CREB3L2: variants seen among roughly 807,000 people sequenced by gnomAD.
CREB3L2 encodes the protein cAMP responsive element binding protein 3 like 2.
In CREB3L2, 23 loss-of-function variants were observed where a neutral mutation model predicts 57.2. The ratio of observed to expected loss-of-function variants is 0.40; its 90% CI spans 0.29 to 0.57. The LOEUF is 0.57. CREB3L2 is among the 20% of genes least tolerant of loss of function. The probability of loss-of-function intolerance (pLI) is 0.42; values close to 1 mark genes in which losing one functional copy is unlikely to be tolerated. For synonymous variants in CREB3L2, 268 were observed against 265.1 expected, an observed-to-expected ratio of 1.01 and a Z score of -0.11; for missense variants, 628 against 634.7, an observed-to-expected ratio of 0.99 and a Z score of 0.11.
At chr7:137,906,994 G>A (rs1418579560) in intron 5 of CREB3L2, among the ~76,000 whole-genome samples, 1 of 152,126 alleles carries the variant, frequency 6.6e-6, no homozygotes, top group Non-Finnish European at 1.5e-5. Context: ...ATTAGCTAAA[G>A]GTGTACTAAA....
chr7:137,897,482 G>C (rs567676350), intron 8 of CREB3L2, among the ~76,000 whole-genome samples: 1 of 152,280 alleles, frequency 6.6e-6, no homozygotes, highest in African/African-American at 2.4e-5. Context: ...CGATTCTCCT[G>C]CCTCAGCCTC....
chr7:137,954,454 T>C lies in CREB3L2; in HGVS notation c.103-26088A>G, dbSNP rs192592495. ...GTTCCTGTTTGCTCCCTGTTCTAAC[T>C]ATAATGGCCACGGCTTTCTATTTTC... On this transcript the variant is annotated intron_variant, in intron 1 of 11. Coordinates refer to ENST00000330387, the MANE Select transcript of CREB3L2 (RefSeq NM_194071.4). Among the ~76,000 whole-genome samples the C allele has an allele frequency of 1.1e-3, 168 of 152,308 alleles. 1 individual carries two copies. The highest frequency in any genetic ancestry group is 3.9e-3 in the African/African-American group (163 of 41,552).
intron 1 of CREB3L2, among the ~76,000 whole-genome samples, chr7:137,995,388 G>A (rs1412543064): frequency 8.0e-6 from 1 of 124,514 alleles, no homozygotes; most frequent in Non-Finnish European, 1.6e-5. Flanking sequence ...AGGCTGGAGT[G>A]CAGTGGCATG....
chr7:137,989,655 C>G (rs1392351746), intron 1 of CREB3L2, among the ~76,000 whole-genome samples: 2 of 152,100 alleles, frequency 1.3e-5, no homozygotes, highest in African/African-American at 2.4e-5. Flanking sequence ...AGACCTTTCT[C>G]CAGAACTCCA....
At chr7:137,944,763 C>T (rs1800939234) in intron 1 of CREB3L2, among the ~76,000 whole-genome samples, 1 of 152,000 alleles carries the variant, frequency 6.6e-6, no homozygotes, top group Non-Finnish European at 1.5e-5. Context: ...AACTGAATTC[C>T]CTAATTTATA....
intron 10 of CREB3L2, chr7:137,884,793 C>G: frequency 4.4e-6 from 3 of 674,740 alleles, no homozygotes; most frequent in South Asian, 1.7e-5. Flanking sequence ...CTGTCAAGCT[C>G]TGGAGAATTC....
intron 1 of CREB3L2, among the ~76,000 whole-genome samples, chr7:137,998,451 T>C (rs943595631): frequency 6.6e-6 from 1 of 152,232 alleles, no homozygotes; most frequent in South Asian, 2.1e-4. Flanking sequence ...GCAGTTCCTA[T>C]ATTCCAATCA....
intron 5 of CREB3L2, among the ~76,000 whole-genome samples, chr7:137,907,025 T>C (rs1799904431): frequency 6.6e-6 from 1 of 152,222 alleles, no homozygotes; most frequent in South Asian, 2.1e-4. Context: ...AAGAGAACAC[T>C]ACTATGAGTT....
At chr7:137,953,294 A>G (rs1801138396) in intron 1 of CREB3L2, 1 of 374,526 alleles carries the variant, frequency 2.7e-6, no homozygotes, top group Admixed American at 3.4e-5. Flanking sequence ...TGTTTCACTG[A>G]AAACCTGCTT....
intron 8 of CREB3L2, among the ~76,000 whole-genome samples, chr7:137,893,180 A>G (rs1343664083): frequency 6.6e-6 from 1 of 152,228 alleles, no homozygotes; most frequent in Non-Finnish European, 1.5e-5. Flanking sequence ...CTGAAATGCT[A>G]TATTACCTAC....
rs184253012 is a variant in CREB3L2, at chr7:137,993,519, T to C, written c.102+8085A>G. 2.3e-4 allele frequency among the ~76,000 whole-genome samples: 35 copies of C among 152,338 alleles called. No homozygotes were observed. The East Asian group carries it at 6.2e-3, about 27-fold the overall frequency. On this transcript the variant is annotated intron_variant, in intron 1 of 11. Transcript: ENST00000330387. ...ATCCAGAGTTTATTTGTTTGTTTGC[T>C]CATTTATTTATTTATTTTGAGACAG...
At chr7:137,942,598 C>G (rs1343891949) in intron 1 of CREB3L2, among the ~76,000 whole-genome samples, 2 of 152,078 alleles carry the variant, frequency 1.3e-5, no homozygotes, top group Admixed American at 1.3e-4. Flanking sequence ...AAACACGAGG[C>G]CATAATATTC....
In CREB3L2 at chr7:137,899,096, A is replaced by AGAAGGAAGGAAGGAAGGAAGGAAG. The variant is rs200596273; in HGVS notation, c.1043+2234_1043+2257dup. Among the ~76,000 whole-genome samples the AGAAGGAAGGAAGGAAGGAAGGAAG allele has an allele frequency of 1.1e-3, 96 of 83,816 alleles. 1 individual carries two copies. Among genetic ancestry groups the AGAAGGAAGGAAGGAAGGAAGGAAG allele is most frequent in the African/African-American group, 2.3e-3 (37 of 15,774 alleles). 55.0% of individuals were successfully genotyped at this position (83,816 alleles called of 152,430 possible). On this transcript the variant is annotated intron_variant, in intron 8 of 11. Coordinates refer to ENST00000330387, the MANE Select transcript of CREB3L2 (RefSeq NM_194071.4). ...GAAAGAAAAGGAAGAAAAAGGAAAG[A>AGAAGGAAGGAAGGAAGGAAGGAAG]GAAGGAAGGAAGGAAGGAAGGAAGG...
At chr7:137,935,689 A>G (rs1162188920) in intron 1 of CREB3L2, among the ~76,000 whole-genome samples, 1 of 152,198 alleles carries the variant, frequency 6.6e-6, no homozygotes, top group Non-Finnish European at 1.5e-5. Flanking sequence ...TCTCATTTGC[A>G]TCTATTATCA....
intron 1 of CREB3L2, among the ~76,000 whole-genome samples, chr7:137,984,723 AT>A (rs771007171): frequency 9.2e-5 from 14 of 152,218 alleles, no homozygotes; most frequent in Middle Eastern, 3.2e-3. Context: ...GGGTCGAGTA[AT>A]AGTTCCTCAA....
intron 1 of CREB3L2, among the ~76,000 whole-genome samples, chr7:137,982,093 G>C (rs1801721021): frequency 6.6e-6 from 1 of 152,176 alleles, no homozygotes; most frequent in African/African-American, 2.4e-5. Context: ...TTCCTTCTCA[G>C]CTTCTACTTT....
chr7:137,976,236 C>T (rs1801606028), intron 1 of CREB3L2, among the ~76,000 whole-genome samples: 1 of 152,220 alleles, frequency 6.6e-6, no homozygotes, highest in African/African-American at 2.4e-5. Flanking sequence ...GGCCACCCAG[C>T]CACCAGGCAT....
At chr7:137,924,244 G>A (rs1347920406) in intron 2 of CREB3L2, among the ~76,000 whole-genome samples, 1 of 152,158 alleles carries the variant, frequency 6.6e-6, no homozygotes, top group Non-Finnish European at 1.5e-5. Flanking sequence ...GTGATGCAAA[G>A]GTAGTATTAG....
intron 1 of CREB3L2, among the ~76,000 whole-genome samples, chr7:137,948,516 A>G (rs1198919985): frequency 1.3e-5 from 2 of 152,186 alleles, no homozygotes; most frequent in African/African-American, 4.8e-5. Context: ...GTCCCTACTA[A>G]ATTTCTCACT....
Sources: gnomAD v4.1 joint callset for allele counts (sites outside exome capture counted in the v4.1 genomes callset) on GRCh38, gnomAD v4.1.1 for gene constraint, MANE v1.5 for transcripts, NCBI Gene and HGNC (gene_info 2026-07-23, HGNC 2026-07-21) for gene names.